ADGRV1: variants seen among roughly 807,000 people sequenced by gnomAD.
ADGRV1 encodes G-protein coupled receptor 98.
Under a neutral mutation model 596.2 loss-of-function variants are expected in ADGRV1, and 359 were observed. The ratio of observed to expected loss-of-function variants is 0.60; its 90% CI spans 0.55 to 0.66. ADGRV1 has a LOEUF of 0.66. Among genes scored for constraint, ADGRV1 ranks in the 30% least tolerant of loss-of-function variants. The pLI is 0.00. For missense variants in ADGRV1, 7,274 were observed against 7,575.6 expected, an observed-to-expected ratio of 0.96 and a Z score of 1.48; for synonymous variants, 2,681 against 2,679.2, an observed-to-expected ratio of 1.00 and a Z score of -0.02.
At chr5:91,040,789 A>T (rs1029214899) in intron 85 of ADGRV1, among the ~76,000 whole-genome samples, 5 of 152,200 alleles carry the variant, frequency 3.3e-5, no homozygotes, top group African/African-American at 1.2e-4. Context: ...GTAATTATGG[A>T]AGATGAGGTT....
intron 59 of ADGRV1, among the ~76,000 whole-genome samples, chr5:90,766,513 T>A (rs1757162410): frequency 6.6e-6 from 1 of 151,978 alleles, no homozygotes; most frequent in Non-Finnish European, 1.5e-5. Flanking sequence ...GTTTTTAACA[T>A]CCATGTACAC....
At chr5:90,659,742 A>T (rs1441742735) in intron 21 of ADGRV1, among the ~76,000 whole-genome samples, 1 of 152,210 alleles carries the variant, frequency 6.6e-6, no homozygotes, top group Non-Finnish European at 1.5e-5. Context: ...AAAGTAAAAG[A>T]TAGAAACAGG....
chr5:90,875,058 TA>T (rs1189396660), intron 83 of ADGRV1, among the ~76,000 whole-genome samples: 1 of 152,180 alleles, frequency 6.6e-6, no homozygotes, highest in Non-Finnish European at 1.5e-5. Flanking sequence ...CACATGCCTG[TA>T]ACCCCAGCTA....
chr5:90,965,537 T>C lies in ADGRV1; in HGVS notation c.17973+6T>C. 1 of 1,535,634 alleles carries C rather than the reference T, an allele frequency of 6.5e-7. No individual in the cohort carries two copies. On this transcript the variant is annotated splice_donor_region_variant and intron_variant, in intron 84 of 89. Coordinates refer to ENST00000405460, the MANE Select transcript of ADGRV1 (RefSeq NM_032119.4). ...TTAGCTGGATGCTCATTCAGGTTGG[T>C]ACCTCATTCCCTCTCCCCGCCCCTT...
At chr5:90,635,381 A>G in intron 10 of ADGRV1, 91 bp downstream of exon 10, 1 of 1,168,776 alleles carries the variant, frequency 8.6e-7, no homozygotes, top group Non-Finnish European at 1.2e-6. Flanking sequence ...TATAGGGTTA[A>G]CATCTTAAAA....
At chr5:90,614,115 A>G in intron 1 of ADGRV1, 1 of 243,300 alleles carries the variant, frequency 4.1e-6, no homozygotes, top group Non-Finnish European at 8.0e-6. Flanking sequence ...TGCTGAAAGT[A>G]GGAACAGTAT....
Position 90,694,712 on chromosome 5 carries a change from G to T in ADGRV1, c.7945+11G>T, listed in dbSNP as rs766674297. On this transcript the variant is annotated intron_variant, in intron 33 of 89. Coordinates refer to ENST00000405460, the MANE Select transcript of ADGRV1 (RefSeq NM_032119.4). Reference sequence around the variant, plus strand: ...TGACCTTTGCTGAAGGTGAGCAATGGTTCTAAATGAATTTCCGTTGCCCCA... The same window carrying T: ...TGACCTTTGCTGAAGGTGAGCAATGTTTCTAAATGAATTTCCGTTGCCCCA... 3 of 1,540,522 alleles carry T rather than the reference G, an allele frequency of 1.9e-6. No homozygotes were observed. The highest frequency in any genetic ancestry group is 2.6e-6 in the Non-Finnish European group (3 of 1,146,892).
intron 87 of ADGRV1, among the ~76,000 whole-genome samples, chr5:91,103,441 G>C (rs1373985043): frequency 6.6e-6 from 1 of 150,402 alleles, no homozygotes; most frequent in East Asian, 1.9e-4. Flanking sequence ...CATGTAAAGA[G>C]AGCATTTTGA....
chr5:90,836,905 A>G (rs975105268), intron 77 of ADGRV1, among the ~76,000 whole-genome samples: 2 of 152,254 alleles, frequency 1.3e-5, no homozygotes, highest in African/African-American at 2.4e-5. Flanking sequence ...GCATATTACT[A>G]GAAGACAGAG....
chr5:90,906,062 A>G (rs1020214151), intron 83 of ADGRV1, among the ~76,000 whole-genome samples: 1 of 152,128 alleles, frequency 6.6e-6, no homozygotes, highest in African/African-American at 2.4e-5. Flanking sequence ...CCATTCTTGC[A>G]TCCCCAAGAT....
At chr5:90,762,766 T>C (rs1328662186) in intron 58 of ADGRV1, 3 of 152,434 alleles carry the variant, frequency 2.0e-5, no homozygotes, top group South Asian at 2.1e-4. Flanking sequence ...AGGAGCCTGA[T>C]TGTAGTAACA....
intron 42 of ADGRV1, among the ~76,000 whole-genome samples, chr5:90,715,766 T>G (rs1329087304): frequency 2.0e-5 from 3 of 152,176 alleles, no homozygotes; most frequent in South Asian, 2.1e-4. Context: ...CTTCCCAGCT[T>G]GTAAACTTCT....
At chr5:90,909,028 T>A (rs565629182) in intron 83 of ADGRV1, among the ~76,000 whole-genome samples, 1 of 152,286 alleles carries the variant, frequency 6.6e-6, no homozygotes, top group Admixed American at 6.5e-5. Flanking sequence ...AGGAACAACC[T>A]CTGAAGAGAG....
chr5:90,572,927 G>C (rs952343439), intron 1 of ADGRV1, among the ~76,000 whole-genome samples: 1 of 152,106 alleles, frequency 6.6e-6, no homozygotes, highest in Non-Finnish European at 1.5e-5. Context: ...AAAACAGACA[G>C]GTGGCATTTA....
chr5:90,946,615 C>G (rs577687223), intron 83 of ADGRV1, among the ~76,000 whole-genome samples: 3 of 152,042 alleles, frequency 2.0e-5, no homozygotes, highest in Non-Finnish European at 2.9e-5. Context: ...TCCCTCCCCC[C>G]ACTCCCCACA....
At chr5:91,036,703 A>G (rs1445060203) in intron 85 of ADGRV1, among the ~76,000 whole-genome samples, 1 of 152,072 alleles carries the variant, frequency 6.6e-6, no homozygotes, top group Non-Finnish European at 1.5e-5. Flanking sequence ...AACATGGACG[A>G]CAGAGCGAGA....
At chr5:91,128,962 G>C (rs890471780) in intron 87 of ADGRV1, among the ~76,000 whole-genome samples, 2 of 152,166 alleles carry the variant, frequency 1.3e-5, no homozygotes, top group Admixed American at 1.3e-4. Context: ...AAGCCGTAGT[G>C]TAAATGAGGA....
chr5:90,951,483 T>C (rs1777058544), intron 83 of ADGRV1, among the ~76,000 whole-genome samples: 1 of 148,966 alleles, frequency 6.7e-6, no homozygotes, highest in African/African-American at 2.5e-5. Flanking sequence ...TAACTAAAAT[T>C]TTATTTTATT....
intron 11 of ADGRV1, among the ~76,000 whole-genome samples, chr5:90,642,080 A>G (rs1369311422): frequency 6.6e-6 from 1 of 152,178 alleles, no homozygotes; most frequent in African/African-American, 2.4e-5. Context: ...GGCATTTGAA[A>G]CCACAACATA....
Sources: allele counts gnomAD v4.1 joint callset (sites outside exome capture counted in the v4.1 genomes callset), GRCh38; gene constraint gnomAD v4.1.1; transcripts MANE v1.5; gene names NCBI Gene and HGNC (gene_info 2026-07-23, HGNC 2026-07-21).